Variants in PLEKHD1 observed in about 807,000 individuals in gnomAD.
PLEKHD1 encodes the protein pleckstrin homology domain-containing family D member 1.
A neutral mutation model predicts 69.2 loss-of-function variants in PLEKHD1; 51 were observed. The observed-to-expected ratio is 0.74, with a 90% CI of 0.59 to 0.93. PLEKHD1 has a LOEUF of 0.93. Among genes scored for constraint, PLEKHD1 ranks in the 40% least tolerant of loss-of-function variants. The pLI is 0.00. For synonymous variants in PLEKHD1, 236 were observed against 244.7 expected (o/e 0.96, Z 0.33); for missense variants, 584 against 641.0 (o/e 0.91, Z 0.96).
rs1407002429 is a variant in PLEKHD1 at position 69,528,430 on chromosome 14, T to C, written c.*11T>C. On this transcript the variant is annotated 3_prime_UTR_variant, in exon 13 of 13. Transcript: ENST00000322564. ...CGGGGTGGAAAGTGATGGGCGCTCC[T>C]CCCCTGCTTCCCAAGTCTCCCCTGG... The C allele has an allele frequency of 3.2e-6, 5 of 1,548,486 alleles. No homozygotes were observed. Among genetic ancestry groups the C allele is most frequent in the Non-Finnish European group, 4.4e-6 (5 of 1,146,416 alleles).
chr14:69,481,347 C>T (rs961169893), upstream of PLEKHD1, among the ~76,000 whole-genome samples: 4 of 152,158 alleles, frequency 2.6e-5, no homozygotes, highest in Admixed American at 2.6e-4. Context: ...AAAATATGTT[C>T]ATTAGGAGTC....
chr14:69,478,359 T>G, the PLEKHD1 span, among the ~76,000 whole-genome samples: 1 of 152,250 alleles, frequency 6.6e-6, no homozygotes, highest in Non-Finnish European at 1.5e-5. Context: ...TGACATGCCC[T>G]GGAGACATTT....
At chr14:69,472,287 T>A in the PLEKHD1 span, among the ~76,000 whole-genome samples, 23 of 152,326 alleles carry the variant, frequency 1.5e-4, no homozygotes, top group Admixed American at 1.5e-3. Context: ...AAGCTAGAGC[T>A]GCATCCTCCC....
rs1883018397 is a variant in PLEKHD1, at chr14:69,501,232, C to A, written c.410+285C>A. 9.8e-6 allele frequency: 5 copies of A among 508,776 alleles called. No individual in the cohort carries two copies. In the South Asian group the frequency reaches 1.2e-4, roughly 12 times the overall value. 31.5% of individuals were successfully genotyped at this position (508,776 alleles called of 1,614,324 possible). ...TGCCTCCTGACACCCATCTCACCTCCCCAGGCCCATAATTAATTCTAGCAA... is the reference window on the plus strand; with the variant it reads ...TGCCTCCTGACACCCATCTCACCTCACCAGGCCCATAATTAATTCTAGCAA... On this transcript the variant is annotated intron_variant, in intron 4 of 12. Transcript: ENST00000322564.
At chr14:69,512,963 G>A (rs1335040954) in intron 6 of PLEKHD1, among the ~76,000 whole-genome samples, 3 of 151,990 alleles carry the variant, frequency 2.0e-5, no homozygotes, top group South Asian at 4.1e-4. Flanking sequence ...AGTGGCATAT[G>A]CCTGTAGTCC....
chr14:69,528,725 G>C lies in PLEKHD1; in HGVS notation c.*306G>C. On this transcript the variant is annotated 3_prime_UTR_variant, in exon 13 of 13. Transcript: ENST00000322564. Reference sequence around the variant, plus strand: ...GTATGTGGAGATTTGTGTCGGTTAGGGAGTGGGGTGGGGAGGTGCTGTCTA... The same window carrying C: ...GTATGTGGAGATTTGTGTCGGTTAGCGAGTGGGGTGGGGAGGTGCTGTCTA... The C allele has an allele frequency of 2.6e-6, 1 of 382,030 alleles. No individual in the cohort carries two copies. Among genetic ancestry groups the C allele is most frequent in the Non-Finnish European group, 4.8e-6 (1 of 207,228 alleles). 23.7% of individuals were successfully genotyped at this position (382,030 alleles called of 1,614,324 possible). A position where few individuals can be genotyped will look rare whatever the true frequency, so the allele number is the denominator to read the frequency against.
At chr14:69,526,148 C>A in intron 9 of PLEKHD1, 26 bp downstream of exon 9, 1 of 1,530,486 alleles carries the variant, frequency 6.5e-7, no homozygotes. Context: ...CCCCTGAAGA[C>A]ACCATTGACT....
At chr14:69,505,611 A>G (rs1257434047) in intron 6 of PLEKHD1, among the ~76,000 whole-genome samples, 1 of 152,104 alleles carries the variant, frequency 6.6e-6, no homozygotes, top group Non-Finnish European at 1.5e-5. Flanking sequence ...CTGAGCTTCA[A>G]TTTCCCCCCA....
intron 1 of PLEKHD1, among the ~76,000 whole-genome samples, chr14:69,495,120 CT>C (rs1348111906): frequency 1.3e-5 from 2 of 152,200 alleles, no homozygotes; most frequent in East Asian, 3.8e-4. Flanking sequence ...AAAGACTACC[CT>C]GAACATCCAC....
intron 6 of PLEKHD1, among the ~76,000 whole-genome samples, chr14:69,507,637 A>T (rs114926877): frequency 0.011 from 1,721 of 152,350 alleles, 37 homozygotes; most frequent in African/African-American, 0.04. Flanking sequence ...GCAATGAATG[A>T]GAGTTCCTGT....
intron 1 of PLEKHD1, among the ~76,000 whole-genome samples, chr14:69,497,806 G>A (rs994316339): frequency 3.3e-5 from 5 of 152,268 alleles, no homozygotes; most frequent in Admixed American, 2.0e-4. Context: ...GGCCTAGGAC[G>A]AGCATTGGCT....
chr14:69,485,071 T>A lies in PLEKHD1; in HGVS notation c.106T>A (p.Trp36Arg). 6.4e-7 allele frequency: 1 copy of A among 1,551,226 alleles called. No homozygotes were observed. The highest frequency in any genetic ancestry group is 8.7e-7 in the Non-Finnish European group (1 of 1,146,834). ...STKVQLYGVL[W>R]KRPFGRPSAK... is the part of the protein sequence containing the mutation. ...CAAAGTGCAGCTCTACGGCGTGCTG[T>A]GGAAGAGGCCTTTCGGCAGGCCGTC... The change falls in exon 1 of 13, where the codon TGG becomes AGG. Residue 36 changes from tryptophan (W) to arginine (R), a missense_variant. Trp to Arg is a moderately radical substitution (Grantham distance 101). Coordinates refer to ENST00000322564, the MANE Select transcript of PLEKHD1 (RefSeq NM_001161498.2).
At chr14:69,468,548 T>C in the PLEKHD1 span, among the ~76,000 whole-genome samples, 57 of 62,930 alleles carry the variant, frequency 9.1e-4, no homozygotes, top group African/African-American at 2.3e-3. Flanking sequence ...TTCCTTCCTT[T>C]CTTTCTTTCT....
chr14:69,474,200 G>T, the PLEKHD1 span, among the ~76,000 whole-genome samples: 2 of 152,188 alleles, frequency 1.3e-5, no homozygotes, highest in East Asian at 1.9e-4. Context: ...GGCAAAAGCA[G>T]CCTAAAACAA....
At chr14:69,496,016 A>C (rs567421084) in intron 1 of PLEKHD1, among the ~76,000 whole-genome samples, 1 of 152,370 alleles carries the variant, frequency 6.6e-6, no homozygotes, top group South Asian at 2.1e-4. Context: ...AGTGCTTGGC[A>C]CACAGTGGCA....
At chr14:69,507,941 C>T (rs1468467160) in intron 6 of PLEKHD1, among the ~76,000 whole-genome samples, 1 of 152,092 alleles carries the variant, frequency 6.6e-6, no homozygotes, top group African/African-American at 2.4e-5. Flanking sequence ...CAAGTGATCT[C>T]CCCTCTTGGC....
At position 69,498,340 on chromosome 14, in the gene PLEKHD1, A is replaced by G. The variant is rs909991256; in HGVS notation, c.150-1775A>G. 4.6e-5 allele frequency among the ~76,000 whole-genome samples: 7 copies of G among 152,210 alleles called. No homozygotes were observed. The South Asian group carries it at 1.4e-3, about 32-fold the overall frequency. ...GTGATCTACCTGCCTCAGCCTCCCA[A>G]AGTGCTGGGATTACAGGTGTGAGCC... On this transcript the variant is annotated intron_variant, in intron 1 of 12. Coordinates refer to ENST00000322564, the MANE Select transcript of PLEKHD1 (RefSeq NM_001161498.2).
the PLEKHD1 span, among the ~76,000 whole-genome samples, chr14:69,469,236 C>T: frequency 6.6e-6 from 1 of 152,104 alleles, no homozygotes; most frequent in Non-Finnish European, 1.5e-5. Flanking sequence ...TCACCCCTTC[C>T]CAGGATCAGA....
chr14:69,472,186 A>G, the PLEKHD1 span, among the ~76,000 whole-genome samples: 1 of 152,172 alleles, frequency 6.6e-6, no homozygotes, highest in Non-Finnish European at 1.5e-5. Flanking sequence ...CACAGGCGGC[A>G]CACCCAACAC....
Sources: allele counts gnomAD v4.1 joint callset (sites outside exome capture counted in the v4.1 genomes callset), GRCh38; gene constraint gnomAD v4.1.1; transcripts MANE v1.5; gene names NCBI Gene and HGNC (gene_info 2026-07-23, HGNC 2026-07-21).